The following RPSA2 variants were observed in gnomAD, a reference collection of about 807,000 sequenced individuals.
The protein encoded by RPSA2 is ribosomal protein SA 2, also known as small ribosomal subunit protein uS2B.
chr19:23,765,467 A>G, the RPSA2 span, among the ~76,000 whole-genome samples: 2 of 147,554 alleles, frequency 1.4e-5, no homozygotes, highest in Non-Finnish European at 3.0e-5. Flanking sequence ...TAAAAAAAAA[A>G]TGAGATTATG....
At chr19:23,866,974 C>T in the RPSA2 span, among the ~76,000 whole-genome samples, 3 of 152,160 alleles carry the variant, frequency 2.0e-5, no homozygotes, top group Non-Finnish European at 4.4e-5. Context: ...GTCAAAAGAT[C>T]TTTGTGTTTT....
At chr19:23,820,636 C>T in the RPSA2 span, among the ~76,000 whole-genome samples, 1 of 152,166 alleles carries the variant, frequency 6.6e-6, no homozygotes. Context: ...CATACAGCAT[C>T]TAAGAGCTGT....
chr19:23,825,995 CTG>C, the RPSA2 span, among the ~76,000 whole-genome samples: 2 of 144,546 alleles, frequency 1.4e-5, no homozygotes, highest in East Asian at 4.1e-4. Flanking sequence ...TATCATAACT[CTG>C]TATCTCTTTT....
chr19:23,844,702 T>TTATA, the RPSA2 span, among the ~76,000 whole-genome samples: 3 of 150,978 alleles, frequency 2.0e-5, no homozygotes, highest in Non-Finnish European at 4.4e-5. Context: ...TCCATTTTTT[T>TTATA]ATAATATAAT....
At chr19:23,824,025 T>A in the RPSA2 span, 2 of 152,130 alleles carry the variant, frequency 1.3e-5, no homozygotes, top group Non-Finnish European at 2.9e-5. Context: ...TTTATTAAGG[T>A]GCACACTGGC....
the RPSA2 span, chr19:23,818,391 T>C: frequency 6.6e-6 from 1 of 152,340 alleles, no homozygotes; most frequent in African/African-American, 2.4e-5. Flanking sequence ...GACTGGAATA[T>C]GGGCTAATTT....
chr19:23,794,364 A>AT, the RPSA2 span, among the ~76,000 whole-genome samples: 1 of 152,096 alleles, frequency 6.6e-6, no homozygotes, highest in African/African-American at 2.4e-5. Context: ...GACAGCATCT[A>AT]TTTTTTAACT....
At chr19:23,832,750 C>G in the RPSA2 span, 1 of 1,560,262 alleles carries the variant, frequency 6.4e-7, no homozygotes, top group Non-Finnish European at 8.7e-7. Context: ...AGCTTTTAGC[C>G]AGTCATCAAT....
At chr19:23,797,554 A>G in the RPSA2 span, among the ~76,000 whole-genome samples, 2 of 138,308 alleles carry the variant, frequency 1.4e-5, no homozygotes, top group African/African-American at 2.7e-5. Context: ...TTGTTGAATT[A>G]TATTTTTGTC....
At chr19:23,790,414 G>A in the RPSA2 span, among the ~76,000 whole-genome samples, 4 of 152,082 alleles carry the variant, frequency 2.6e-5, no homozygotes, top group African/African-American at 9.7e-5. Context: ...TTCTGGGGTG[G>A]GCCTGGCTCA....
chr19:23,768,845 C>G, the RPSA2 span, among the ~76,000 whole-genome samples: 1 of 151,450 alleles, frequency 6.6e-6, no homozygotes, highest in African/African-American at 2.4e-5. Context: ...GCCTCAACCT[C>G]TTAAAGTGAT....
At chr19:23,761,901 A>ATTCTTTCTTTCTTTCTTTCTTTCTTTCT in the RPSA2 span, among the ~76,000 whole-genome samples, 1 of 34,016 alleles carries the variant, frequency 2.9e-5, no homozygotes, top group African/African-American at 9.6e-5. Flanking sequence ...GGGTAACGTA[A>ATTCTTTCTTTCTTTCTTTCTTTCTTTCT]TTCTTTCTTT....
chr19:23,763,013 G>A, the RPSA2 span: 1 of 152,354 alleles, frequency 6.6e-6, no homozygotes, highest in African/African-American at 2.4e-5. Context: ...CAGAGTTTGG[G>A]ATCGGTCTCT....
chr19:23,763,519 C>T, the RPSA2 span, among the ~76,000 whole-genome samples: 1 of 152,182 alleles, frequency 6.6e-6, no homozygotes, highest in Non-Finnish European at 1.5e-5. Flanking sequence ...CTCTGTCGCC[C>T]AGGCTGAAGT....
At chr19:23,833,134 C>T in the RPSA2 span, 1 of 1,213,654 alleles carries the variant, frequency 8.2e-7, no homozygotes, top group African/African-American at 1.6e-5. Flanking sequence ...TGGTTTAAAA[C>T]CCTACAAATG....
the RPSA2 span, among the ~76,000 whole-genome samples, chr19:23,802,117 T>A: frequency 6.6e-6 from 1 of 152,228 alleles, no homozygotes; most frequent in South Asian, 2.1e-4. Flanking sequence ...GATGTCCACA[T>A]AGACACTTCA....
chr19:23,790,698 G>A, the RPSA2 span: 19 of 419,856 alleles, frequency 4.5e-5, no homozygotes, highest in African/African-American at 3.0e-4. Context: ...TAGAGTCCCA[G>A]CCTGTGTGGC....
the RPSA2 span, among the ~76,000 whole-genome samples, chr19:23,859,500 G>C: frequency 6.6e-6 from 1 of 152,108 alleles, no homozygotes; most frequent in Admixed American, 6.5e-5. Flanking sequence ...GGTGGCACAT[G>C]CCTGTAATCC....
the RPSA2 span, among the ~76,000 whole-genome samples, chr19:23,846,882 T>C: frequency 6.6e-6 from 1 of 152,210 alleles, no homozygotes; most frequent in African/African-American, 2.4e-5. Context: ...TTGCTGAGCT[T>C]CCTGTATATG....
Sources: allele counts gnomAD v4.1 joint callset (sites outside exome capture counted in the v4.1 genomes callset), GRCh38; gene constraint gnomAD v4.1.1; transcripts MANE v1.5; gene names NCBI Gene and HGNC (gene_info 2026-07-23, HGNC 2026-07-21).